The following NCOA2 variants were observed in gnomAD, a reference collection of about 807,000 sequenced individuals.
NCOA2 encodes class E basic helix-loop-helix protein 75.
NCOA2 carries 21 observed loss-of-function variants against 145.1 expected under a neutral mutation model. That is an observed-to-expected ratio of 0.14 (90% CI 0.10 to 0.21). The LOEUF (loss-of-function observed/expected upper bound fraction) is 0.21, where lower values mean the gene tolerates loss of function less well. NCOA2 is among the 10% of genes least tolerant of loss of function. The pLI, the probability that NCOA2 is intolerant of heterozygous loss-of-function variation, is 1.00. For synonymous variants in NCOA2, 619 were observed against 637.5 expected (o/e 0.97, Z 0.44); for missense variants, 1,472 against 1,837.6 (o/e 0.80, Z 3.64).
intron 2 of NCOA2, among the ~76,000 whole-genome samples, chr8:70,240,663 C>T (rs573418214): frequency 1.8e-4 from 27 of 152,248 alleles, no homozygotes; most frequent in Non-Finnish European, 3.7e-4. Context: ...AGTTACATTG[C>T]TGTTGACTGT....
intron 1 of NCOA2, among the ~76,000 whole-genome samples, chr8:70,318,788 T>C (rs1805819754): frequency 6.6e-6 from 1 of 151,982 alleles, no homozygotes; most frequent in Non-Finnish European, 1.5e-5. Context: ...AAGGAGGGGC[T>C]ATCTCAATAG....
At chr8:70,448,936 C>G in the NCOA2 span, among the ~76,000 whole-genome samples, 1 of 151,966 alleles carries the variant, frequency 6.6e-6, no homozygotes, top group African/African-American at 2.4e-5. Flanking sequence ...TCCTGAGCAG[C>G]TGAGACACAG....
chr8:70,306,175 A>T (rs1454647843), intron 1 of NCOA2, among the ~76,000 whole-genome samples: 3 of 152,148 alleles, frequency 2.0e-5, no homozygotes, highest in African/African-American at 7.2e-5. Flanking sequence ...AAAAATTGAG[A>T]TCTAGAGCAA....
At chr8:70,341,031 T>C (rs908663661) in intron 1 of NCOA2, among the ~76,000 whole-genome samples, 6 of 145,760 alleles carry the variant, frequency 4.1e-5, no homozygotes, top group African/African-American at 1.6e-4. Context: ...GATGTTTACC[T>C]ATGTAACAAA....
At chr8:70,375,010 G>A (rs766667257) in intron 1 of NCOA2, among the ~76,000 whole-genome samples, 5 of 151,410 alleles carry the variant, frequency 3.3e-5, no homozygotes, top group East Asian at 1.9e-4. Flanking sequence ...GTCACCCTAC[G>A]TCTGCATTTT....
At position 70,214,093 on chromosome 8, in the gene NCOA2, A is replaced by G. The variant is rs770167619; in HGVS notation, c.87-18T>C. On this transcript the variant is annotated intron_variant, in intron 3 of 22. Coordinates refer to ENST00000452400, the MANE Select transcript of NCOA2 (RefSeq NM_006540.4). ...TTTTGGGGCTTAAAAGAAGAAACACATTTTTATGATGTATTTGAAAAAGAG... is the reference window on the plus strand; with the variant it reads ...TTTTGGGGCTTAAAAGAAGAAACACGTTTTTATGATGTATTTGAAAAAGAG... 82 of 1,584,220 alleles carry G rather than the reference A, an allele frequency of 5.2e-5. No individual in the cohort carries two copies. In the South Asian group the frequency reaches 9.0e-4, roughly 17 times the overall value.
At chr8:70,405,692 T>A (rs973400981), upstream of NCOA2, among the ~76,000 whole-genome samples, 4 of 148,704 alleles carry the variant, frequency 2.7e-5, no homozygotes, top group African/African-American at 7.3e-5. Context: ...AATAAAAATT[T>A]AAAAAAAAGA....
upstream of NCOA2, chr8:70,403,877 T>TCCTCCTCCG: frequency 2.6e-6 from 1 of 378,152 alleles, no homozygotes; most frequent in Non-Finnish European, 4.7e-6. Flanking sequence ...CTCCTCCTCC[T>TCCTCCTCCG]CCGCGTCTCC....
chr8:70,297,284 G>A (rs1442456086), intron 1 of NCOA2, among the ~76,000 whole-genome samples: 1 of 152,160 alleles, frequency 6.6e-6, no homozygotes, highest in Non-Finnish European at 1.5e-5. Context: ...TACCTATATG[G>A]AACCAAAAGG....
chr8:70,402,758 A>ACCTCCCGGTCCG (rs1814436668), intron 1 of NCOA2, among the ~76,000 whole-genome samples: 1 of 150,484 alleles, frequency 6.6e-6, no homozygotes, highest in Non-Finnish European at 1.5e-5. Flanking sequence ...CCAACCCGGA[A>ACCTCCCGGTCCG]CCTCCCGGTC....
intron 1 of NCOA2, among the ~76,000 whole-genome samples, chr8:70,365,229 G>C (rs1041620437): frequency 6.6e-6 from 1 of 152,166 alleles, no homozygotes; most frequent in Non-Finnish European, 1.5e-5. Context: ...CTACGAGGGA[G>C]GCTGAGGTGG....
chr8:70,198,776 A>G (rs927593766), intron 4 of NCOA2, among the ~76,000 whole-genome samples: 1 of 152,208 alleles, frequency 6.6e-6, no homozygotes, highest in Non-Finnish European at 1.5e-5. Flanking sequence ...TGATCAGCGC[A>G]TGGTGGTTAC....
chr8:70,370,132 G>A (rs1811081194), intron 1 of NCOA2, among the ~76,000 whole-genome samples: 1 of 152,052 alleles, frequency 6.6e-6, no homozygotes, highest in Non-Finnish European at 1.5e-5. Context: ...CAATCCACCT[G>A]CCTCAGTCAC....
the NCOA2 span, among the ~76,000 whole-genome samples, chr8:70,415,306 GT>G: frequency 0.043 from 6,550 of 152,092 alleles, 502 homozygotes; most frequent in African/African-American, 0.15. Flanking sequence ...TCCAGCCCGG[GT>G]GACAGAGCAA....
Position 70,194,473 on chromosome 8 carries a change from G to C in NCOA2, c.259+19430C>G, listed in dbSNP as rs1473002007. Among the ~76,000 whole-genome samples, 5 of 152,140 alleles carry C rather than the reference G, an allele frequency of 3.3e-5. No individual in the cohort carries two copies. The South Asian group carries it at 1.0e-3, about 32-fold the overall frequency. ...CAAGGCCAGTGTTGTTTATCTAGAGGTTACATCGCACAAGTGAAGATGGAC... is the reference window on the plus strand; with the variant it reads ...CAAGGCCAGTGTTGTTTATCTAGAGCTTACATCGCACAAGTGAAGATGGAC... On this transcript the variant is annotated intron_variant, in intron 4 of 22. Coordinates refer to ENST00000452400, the MANE Select transcript of NCOA2 (RefSeq NM_006540.4).
chr8:70,343,650 C>T (rs1357505014), intron 1 of NCOA2, among the ~76,000 whole-genome samples: 4 of 151,804 alleles, frequency 2.6e-5, no homozygotes, highest in African/African-American at 9.7e-5. Context: ...CCCATTTCTA[C>T]TAAAAATACA....
At chr8:70,441,221 G>C in the NCOA2 span, among the ~76,000 whole-genome samples, 1 of 142,716 alleles carries the variant, frequency 7.0e-6, no homozygotes, top group African/African-American at 2.6e-5. Context: ...GGGAGAAAAG[G>C]AAGAAGAAAG....
At chr8:70,166,809 G>T in intron 6 of NCOA2, 55 bp from the exon 7 acceptor site, 1 of 1,464,054 alleles carries the variant, frequency 6.8e-7, no homozygotes, top group Non-Finnish European at 9.4e-7. Context: ...CAGATTCATT[G>T]CCTCTGAATT....
At chr8:70,338,654 G>C (rs1205800909) in intron 1 of NCOA2, among the ~76,000 whole-genome samples, 1 of 152,134 alleles carries the variant, frequency 6.6e-6, no homozygotes, top group East Asian at 1.9e-4. Context: ...CTTCAGGCCA[G>C]TATCCTTGAT....
Sources: gnomAD v4.1 joint callset for allele counts (sites outside exome capture counted in the v4.1 genomes callset) on GRCh38, gnomAD v4.1.1 for gene constraint, MANE v1.5 for transcripts, NCBI Gene and HGNC (gene_info 2026-07-23, HGNC 2026-07-21) for gene names.